Variants in CTNND2 observed in about 807,000 individuals in gnomAD.
CTNND2 encodes the protein catenin delta-2.
Under a neutral mutation model 144.4 loss-of-function variants are expected in CTNND2, and 22 were observed. That is an observed-to-expected ratio of 0.15 (90% CI 0.11 to 0.22). CTNND2 has a LOEUF of 0.22. Among genes scored for constraint, CTNND2 ranks in the 10% least tolerant of loss-of-function variants. The pLI is 1.00. For missense variants in CTNND2, 1,353 were observed against 1,618.8 expected (o/e 0.84, Z 2.82); for synonymous variants, 751 against 695.6 (o/e 1.08, Z -1.25).
chr5:11,101,176 C>T (rs553531374), intron 14 of CTNND2, among the ~76,000 whole-genome samples: 2 of 152,244 alleles, frequency 1.3e-5, no homozygotes, highest in African/African-American at 4.8e-5. Context: ...ATGTATCTGC[C>T]AGACCTTTAT....
At chr5:11,159,459 C>T (rs1758546721) in intron 12 of CTNND2, 117 bp downstream of exon 12, 5 of 820,742 alleles carry the variant, frequency 6.1e-6, no homozygotes, top group Non-Finnish European at 9.3e-6. Flanking sequence ...GCCACATCAA[C>T]ATTCATGTTT....
At chr5:11,585,478 CTATG>C (rs1162508248) in intron 2 of CTNND2, among the ~76,000 whole-genome samples, 14 of 88,802 alleles carry the variant, frequency 1.6e-4, no homozygotes, top group African/African-American at 5.8e-4. Context: ...TATATTTTAT[CTATG>C]TATATCTATC....
At chr5:11,324,461 TG>T (rs771034896) in intron 9 of CTNND2, among the ~76,000 whole-genome samples, 4 of 152,212 alleles carry the variant, frequency 2.6e-5, no homozygotes, top group Non-Finnish European at 5.9e-5. Context: ...ACTCGTTTTT[TG>T]TTGAAAGTTA....
chr5:11,292,374 G>A (rs1260656768), intron 9 of CTNND2, among the ~76,000 whole-genome samples: 6 of 152,078 alleles, frequency 3.9e-5, no homozygotes, highest in Admixed American at 3.9e-4. Context: ...CTAAAAGGAG[G>A]GAATTTGGGC....
At chr5:11,119,275 A>G (rs1484353701) in intron 12 of CTNND2, among the ~76,000 whole-genome samples, 1 of 152,238 alleles carries the variant, frequency 6.6e-6, no homozygotes, top group Admixed American at 6.5e-5. Flanking sequence ...ATACCTAAAA[A>G]GTTCCACAGA....
At chr5:11,855,915 G>A (rs145962660) in intron 1 of CTNND2, among the ~76,000 whole-genome samples, 199 of 152,278 alleles carry the variant, frequency 1.3e-3, no homozygotes, top group African/African-American at 4.2e-3. Flanking sequence ...GGATATTGCC[G>A]GATAATTGAA....
At chr5:11,103,325 G>A (rs72729295) in intron 14 of CTNND2, among the ~76,000 whole-genome samples, 98 of 152,204 alleles carry the variant, frequency 6.4e-4, no homozygotes, top group Non-Finnish European at 7.6e-4. Context: ...GAATGAAAGA[G>A]TGGAAGCCAT....
At chr5:11,059,499 C>T (rs976055918) in intron 16 of CTNND2, among the ~76,000 whole-genome samples, 1 of 152,158 alleles carries the variant, frequency 6.6e-6, no homozygotes, top group African/African-American at 2.4e-5. Flanking sequence ...CAATAAACCT[C>T]TTTCTTTTCT....
At chr5:11,765,877 T>C (rs867699764) in intron 1 of CTNND2, among the ~76,000 whole-genome samples, 3 of 152,254 alleles carry the variant, frequency 2.0e-5, no homozygotes, top group Non-Finnish European at 2.9e-5. Context: ...TAAAATGCTA[T>C]ATGTTCATTA....
intron 12 of CTNND2, among the ~76,000 whole-genome samples, chr5:11,137,448 GT>G (rs1256438077): frequency 6.6e-6 from 1 of 152,104 alleles, no homozygotes; most frequent in East Asian, 1.9e-4. Context: ...GAATTTCCTT[GT>G]TTTTTCCTTG....
intron 9 of CTNND2, among the ~76,000 whole-genome samples, chr5:11,239,991 G>A (rs1461158921): frequency 6.6e-6 from 1 of 152,138 alleles, no homozygotes; most frequent in Non-Finnish European, 1.5e-5. Flanking sequence ...ACATAAACGT[G>A]TTTTGAAAGA....
intron 2 of CTNND2, among the ~76,000 whole-genome samples, chr5:11,582,475 C>T (rs1479103073): frequency 6.6e-6 from 1 of 152,122 alleles, no homozygotes; most frequent in African/African-American, 2.4e-5. Context: ...TGAACTACAC[C>T]TTTTGGCACC....
At chr5:11,573,374 A>C (rs1387496097) in intron 2 of CTNND2, among the ~76,000 whole-genome samples, 2 of 152,080 alleles carry the variant, frequency 1.3e-5, no homozygotes, top group Non-Finnish European at 2.9e-5. Context: ...TTTTTCTTAC[A>C]TCACTTTTAA....
intron 8 of CTNND2, among the ~76,000 whole-genome samples, chr5:11,363,740 T>G (rs1484480697): frequency 6.6e-6 from 1 of 152,220 alleles, no homozygotes; most frequent in Non-Finnish European, 1.5e-5. Context: ...ATAAGGCAGT[T>G]TAAGAAAATT....
intron 1 of CTNND2, among the ~76,000 whole-genome samples, chr5:11,777,329 ACCATCACAGT>A (rs1790312352): frequency 6.6e-6 from 1 of 152,242 alleles, no homozygotes; most frequent in African/African-American, 2.4e-5. Flanking sequence ...CATGACTAGA[ACCATCACAGT>A]CCATTGACTA....
intron 2 of CTNND2, among the ~76,000 whole-genome samples, chr5:11,662,193 A>G (rs930799269): frequency 8.6e-5 from 12 of 138,794 alleles, no homozygotes; most frequent in Admixed American, 2.9e-4. Context: ...ATGTGTATAT[A>G]TGTGTATATA....
intron 3 of CTNND2, among the ~76,000 whole-genome samples, chr5:11,439,858 A>T (rs1420067786): frequency 6.6e-6 from 1 of 150,974 alleles, no homozygotes; most frequent in Non-Finnish European, 1.5e-5. Context: ...TTTTTTAGAG[A>T]CAGGGTCTTG....
rs1286057402 is a variant in CTNND2, at chr5:10,988,431, G to A, written c.3212-189C>T. On this transcript the variant is annotated intron_variant, in intron 19 of 21. Coordinates refer to ENST00000304623, the MANE Select transcript of CTNND2 (RefSeq NM_001332.4). This position sits in a 1 kb window ranked among gnomAD's most constrained non-coding sequence, Gnocchi z 5.9. The stretch of plus-strand genomic sequence containing the variant: ...TTGTCCCTGCCCCATTCCCTCACCT[G>A]TGACAACTGATGCTTTATAGTTAGA... 1.3e-5 allele frequency among the ~76,000 whole-genome samples: 2 copies of A among 152,074 alleles called. No homozygotes were observed. The highest frequency in any genetic ancestry group is 4.8e-5 in the African/African-American group (2 of 41,392).
intron 3 of CTNND2, among the ~76,000 whole-genome samples, chr5:11,533,373 C>T (rs1428630827): frequency 6.6e-6 from 1 of 152,162 alleles, no homozygotes; most frequent in East Asian, 1.9e-4. Context: ...CATCTCATGG[C>T]TCCTTCCACC....
Sources: allele counts gnomAD v4.1 joint callset (sites outside exome capture counted in the v4.1 genomes callset), GRCh38; gene constraint gnomAD v4.1.1; non-coding constraint Gnocchi (gnomAD v3.1); transcripts MANE v1.5; gene names NCBI Gene and HGNC (gene_info 2026-07-23, HGNC 2026-07-21).